The following SEMA6D variants were observed in gnomAD, a reference collection of about 807,000 sequenced individuals.
SEMA6D encodes the protein semaphorin-6D.
SEMA6D carries 35 observed loss-of-function variants against 106.6 expected under a neutral mutation model. The ratio of observed to expected loss-of-function variants is 0.33; its 90% CI spans 0.25 to 0.44. The LOEUF (loss-of-function observed/expected upper bound fraction) is 0.44. Ranked by LOEUF, SEMA6D falls within the 20% of genes least tolerant of loss-of-function variation. SEMA6D has a pLI of 1.00. For synonymous variants in SEMA6D, 499 were observed against 487.7 expected, an observed-to-expected ratio of 1.02 and a Z score of -0.31; for missense variants, 1,185 against 1,345.9, an observed-to-expected ratio of 0.88 and a Z score of 1.87.
chr15:47,538,023 TTC>T (rs1245531885), intron 3 of SEMA6D, among the ~76,000 whole-genome samples: 2 of 152,172 alleles, frequency 1.3e-5, no homozygotes, highest in East Asian at 3.9e-4. Flanking sequence ...GGATGTGCTC[TTC>T]AAGGAGATGA....
At chr15:47,589,896 C>T (rs1452519181) in intron 3 of SEMA6D, among the ~76,000 whole-genome samples, 1 of 152,162 alleles carries the variant, frequency 6.6e-6, no homozygotes, top group Non-Finnish European at 1.5e-5. Flanking sequence ...AACTTAGTGG[C>T]TTAAAACCTC....
chr15:47,673,565 G>C (rs1381721036), intron 4 of SEMA6D, among the ~76,000 whole-genome samples: 1 of 152,176 alleles, frequency 6.6e-6, no homozygotes, highest in African/African-American at 2.4e-5. Flanking sequence ...CAGGGATAAG[G>C]TTTGCAGGGG....
intron 1 of SEMA6D, among the ~76,000 whole-genome samples, chr15:47,737,870 T>C (rs781295843): frequency 1.3e-5 from 2 of 152,174 alleles, no homozygotes; most frequent in Admixed American, 6.5e-5. Flanking sequence ...AATTATTTTC[T>C]AAAATGGTTG....
chr15:47,609,649 A>G (rs1389657098), intron 4 of SEMA6D, among the ~76,000 whole-genome samples: 1 of 152,176 alleles, frequency 6.6e-6, no homozygotes, highest in Non-Finnish European at 1.5e-5. Flanking sequence ...TATATATGTG[A>G]TGTGTAAGTC....
chr15:47,219,532 T>C (rs184831277), intron 1 of SEMA6D, among the ~76,000 whole-genome samples: 16 of 152,312 alleles, frequency 1.1e-4, no homozygotes, highest in Admixed American at 4.6e-4. Context: ...CAAACACAAA[T>C]GTGAAGTATT....
chr15:47,611,771 A>C (rs1030422404), intron 4 of SEMA6D, among the ~76,000 whole-genome samples: 9 of 152,240 alleles, frequency 5.9e-5, no homozygotes, highest in African/African-American at 2.2e-4. Context: ...AGCTTATCCC[A>C]TAAGAGCCAC....
intron 1 of SEMA6D, among the ~76,000 whole-genome samples, chr15:47,370,294 C>G (rs1030203572): frequency 6.6e-6 from 1 of 152,082 alleles, no homozygotes; most frequent in African/African-American, 2.4e-5. Context: ...GTTAGTGGAG[C>G]AGTTGAGCTC....
At chr15:47,485,826 A>G (rs1813798109) in intron 3 of SEMA6D, among the ~76,000 whole-genome samples, 1 of 152,214 alleles carries the variant, frequency 6.6e-6, no homozygotes, top group African/African-American at 2.4e-5. Flanking sequence ...CACTTTCATT[A>G]GCCACTGTTA....
intron 1 of SEMA6D, among the ~76,000 whole-genome samples, chr15:47,259,690 C>T (rs1394060836): frequency 1.3e-5 from 2 of 152,020 alleles, no homozygotes; most frequent in Non-Finnish European, 2.9e-5. Flanking sequence ...TTGGCATTAC[C>T]AGAGTCTTGA....
At chr15:47,459,813 A>G (rs1025959350) in intron 2 of SEMA6D, among the ~76,000 whole-genome samples, 2 of 152,102 alleles carry the variant, frequency 1.3e-5, no homozygotes, top group Non-Finnish European at 2.9e-5. Context: ...TCTCTGGGTG[A>G]TAACAAAGAT....
intron 1 of SEMA6D, among the ~76,000 whole-genome samples, chr15:47,387,303 A>G (rs1190747851): frequency 3.3e-5 from 5 of 152,228 alleles, no homozygotes; most frequent in Non-Finnish European, 5.9e-5. Context: ...GAGGTGCATT[A>G]AAGTTGTAAT....
intron 2 of SEMA6D, among the ~76,000 whole-genome samples, chr15:47,431,851 G>A (rs2041537701): frequency 6.6e-6 from 1 of 152,070 alleles, no homozygotes; most frequent in South Asian, 2.1e-4. Context: ...TAGTGTTTCT[G>A]TTGAAACAAA....
chr15:47,506,196 T>C (rs2044032218), intron 3 of SEMA6D, among the ~76,000 whole-genome samples: 1 of 152,164 alleles, frequency 6.6e-6, no homozygotes, highest in Admixed American at 6.5e-5. Context: ...GAAAATTTCC[T>C]GTGTCAAAAT....
At chr15:47,298,751 TA>T (rs1222240130) in intron 1 of SEMA6D, among the ~76,000 whole-genome samples, 1 of 152,172 alleles carries the variant, frequency 6.6e-6, no homozygotes, top group African/African-American at 2.4e-5. Flanking sequence ...CCTTCTGCAA[TA>T]ACCAACTCTT....
At chr15:47,354,100 A>G (rs1595804172) in intron 1 of SEMA6D, among the ~76,000 whole-genome samples, 1 of 151,162 alleles carries the variant, frequency 6.6e-6, no homozygotes, top group East Asian at 1.9e-4. Flanking sequence ...GTGTATATGT[A>G]TACATATATA....
intron 3 of SEMA6D, among the ~76,000 whole-genome samples, chr15:47,571,606 G>A (rs984587558): frequency 5.9e-5 from 9 of 152,100 alleles, no homozygotes; most frequent in Non-Finnish European, 8.8e-5. Context: ...TGGCTGGGAT[G>A]GTTTCCTGAA....
chr15:47,578,563 T>C (rs1786820508), intron 3 of SEMA6D, among the ~76,000 whole-genome samples: 1 of 152,226 alleles, frequency 6.6e-6, no homozygotes, highest in Admixed American at 6.5e-5. Flanking sequence ...TCCATGTCTT[T>C]ATAAAAGTTG....
chr15:47,566,914 AAG>A (rs2046246637), intron 3 of SEMA6D, among the ~76,000 whole-genome samples: 1 of 50,176 alleles, frequency 2.0e-5, no homozygotes, highest in Non-Finnish European at 6.6e-5. Context: ...AGAATAAAAC[AAG>A]AGGGTGTTAC....
chr15:47,495,980 G>A (rs893441014), intron 3 of SEMA6D, among the ~76,000 whole-genome samples: 4 of 151,932 alleles, frequency 2.6e-5, no homozygotes, highest in African/African-American at 4.8e-5. Flanking sequence ...TTCTTTTATA[G>A]ACACACTTTT....
Sources: gnomAD v4.1 joint callset for allele counts (sites outside exome capture counted in the v4.1 genomes callset) on GRCh38, gnomAD v4.1.1 for gene constraint, MANE v1.5 for transcripts, NCBI Gene and HGNC (gene_info 2026-07-23, HGNC 2026-07-21) for gene names.